SMARCD3: variants seen among roughly 807,000 people sequenced by gnomAD.
SMARCD3 encodes SWI/SNF related BAF chromatin remodeling complex subunit D3, also known as SWI/SNF-related matrix-associated actin-dependent regulator of chromatin subfamily D member 3.
A neutral mutation model predicts 58.0 loss-of-function variants in SMARCD3; 14 were observed. The observed-to-expected ratio is 0.24, with a 90% CI of 0.16 to 0.38. The LOEUF is 0.38. Ranked by LOEUF, SMARCD3 falls within the 10% of genes least tolerant of loss-of-function variation. The pLI is 1.00. For synonymous variants in SMARCD3, 253 were observed against 253.8 expected, an observed-to-expected ratio of 1.00 and a Z score of 0.03; for missense variants, 408 against 636.9, an observed-to-expected ratio of 0.64 and a Z score of 3.87.
Position 151,238,927 on chromosome 7 carries a change from C to T in SMARCD3, c.*176G>A. On this transcript the variant is annotated 3_prime_UTR_variant, in exon 13 of 13. Transcript: ENST00000262188. ...TGCCTCCCCACCTTCTTCCCTTCCC[C>T]TTCTCTCCCCCTCCCCTCCCCAGTT... 9.4e-7 allele frequency: 1 copy of T among 1,061,008 alleles called. No homozygotes were observed. The highest frequency in any genetic ancestry group is 2.5e-5 in the East Asian group (1 of 40,122). 65.7% of individuals were successfully genotyped at this position (1,061,008 alleles called of 1,614,324 possible).
rs1266644512 is a variant in SMARCD3 at position 151,239,038 on chromosome 7, CGGGGCAAAATGCT to C, written c.*52_*64del. 5 of 1,514,048 alleles carry C rather than the reference CGGGGCAAAATGCT, an allele frequency of 3.3e-6. No homozygotes were observed. In the Admixed American group the frequency reaches 5.0e-5, roughly 15 times the overall value. 93.8% of individuals were successfully genotyped at this position (1,514,048 alleles called of 1,614,324 possible). On this transcript the variant is annotated 3_prime_UTR_variant, in exon 13 of 13. Coordinates refer to ENST00000262188, the MANE Select transcript of SMARCD3 (RefSeq NM_001003801.2). The surrounding 1 kb of genome is among the most constrained non-coding windows in gnomAD (Gnocchi z 7.0). The stretch of plus-strand genomic sequence containing the variant: ...GTGGCAGAGGAGTGATGCTGGAGCC[CGGGGCAAAATGCT>C]GGGGCCCGGGACACGGCTGAAAGTT...
chr7:151,268,197 T>C (rs1445145682), intron 2 of SMARCD3, among the ~76,000 whole-genome samples: 1 of 152,204 alleles, frequency 6.6e-6, no homozygotes, highest in Non-Finnish European at 1.5e-5. Context: ...CTAAACACTT[T>C]AATTAGGCAC....
At position 151,239,125 on chromosome 7, in the gene SMARCD3, G is replaced by A. The variant is rs199976092; in HGVS notation, c.1430C>T (p.Ser477Leu). 2.3e-5 allele frequency: 37 copies of A among 1,614,138 alleles called. No individual in the cohort carries two copies. The highest frequency in any genetic ancestry group is 3.3e-5 in the Admixed American group (2 of 60,020). ...CTCCTAGGTGTTGCGCACAACCAGC[G>A]ACTGCTCCAGCTCCTGCCTGCGCTG... The part of the protein sequence containing the change: ...IQQRRQELEQ[S>L]LVVRNT The change falls in exon 13 of 13, where the codon TCG (serine) becomes TTG (leucine). Residue 477 changes from serine (S) to leucine (L), a missense_variant. This residue lies in a region of SMARCD3 where 81 missense variants were observed against 109.7 expected (regional missense o/e 0.74). Transcript: ENST00000262188. The surrounding 1 kb of genome is among the most constrained non-coding windows in gnomAD (Gnocchi z 7.0).
Position 151,240,541 on chromosome 7 carries a change from G to GGA in SMARCD3, c.940-21_940-20dup. ...CAAAAATCTGAAGCAGGACAATTGG[G>GGA]GAGAGAGAGATCACTCTTCTTGAAG... On this transcript the variant is annotated intron_variant, in intron 8 of 12. Coordinates refer to ENST00000262188, the MANE Select transcript of SMARCD3 (RefSeq NM_001003801.2). 1 of 1,559,310 alleles carries GGA rather than the reference G, an allele frequency of 6.4e-7. No homozygotes were observed. The highest frequency in any genetic ancestry group is 8.8e-7 in the Non-Finnish European group (1 of 1,132,420).
intron 2 of SMARCD3, among the ~76,000 whole-genome samples, chr7:151,272,889 C>T (rs116628522): frequency 0.022 from 3,297 of 152,284 alleles, 126 homozygotes; most frequent in African/African-American, 0.075. Flanking sequence ...GTTAGGAGTC[C>T]AGCCACAGCT....
upstream of SMARCD3, among the ~76,000 whole-genome samples, chr7:151,250,383 G>A (rs982001971): frequency 6.6e-6 from 1 of 151,866 alleles, no homozygotes; most frequent in African/African-American, 2.4e-5. Flanking sequence ...GGGGATGGGT[G>A]GGTGGCCTGC....
Sources: allele counts gnomAD v4.1 joint callset (sites outside exome capture counted in the v4.1 genomes callset), GRCh38; gene constraint gnomAD v4.1.1; regional missense constraint gnomAD v4.1.1; non-coding constraint Gnocchi (gnomAD v3.1); transcripts MANE v1.5; gene names NCBI Gene and HGNC (gene_info 2026-07-23, HGNC 2026-07-21).